The following ZFR2 variants were observed in gnomAD, a reference collection of about 807,000 sequenced individuals.
ZFR2 encodes zinc finger RNA-binding protein 2.
Under a neutral mutation model 105.7 loss-of-function variants are expected in ZFR2, and 104 were observed. The observed-to-expected ratio is 0.98, with a 90% CI of 0.84 to 1.16. The LOEUF is 1.16. Among genes scored for constraint, ZFR2 ranks in the 50% most tolerant of loss-of-function variants. ZFR2 has a pLI of 0.00. For missense variants in ZFR2, 1,425 were observed against 1,355.5 expected, an observed-to-expected ratio of 1.05 and a Z score of -0.80; for synonymous variants, 634 against 597.7, an observed-to-expected ratio of 1.06 and a Z score of -0.89.
rs966482512 is a variant in ZFR2, at chr19:3,826,496, C to T, written c.1035+975G>A. On this transcript the variant is annotated intron_variant, in intron 6 of 18. Transcript: ENST00000262961. Reference sequence around the variant, plus strand: ...TGTCGCCCAGGCTGGAGTGCGGTGGCGAGATCTCAGCTCACTGCAACCTCC... The same window carrying T: ...TGTCGCCCAGGCTGGAGTGCGGTGGTGAGATCTCAGCTCACTGCAACCTCC... 5.3e-5 allele frequency among the ~76,000 whole-genome samples: 8 copies of T among 151,678 alleles called. No homozygotes were observed. In the South Asian group the frequency reaches 1.0e-3, roughly 20 times the overall value.
intron 1 of ZFR2, among the ~76,000 whole-genome samples, chr19:3,845,300 C>A (rs1409929033): frequency 1.3e-5 from 2 of 151,604 alleles, no homozygotes; most frequent in Non-Finnish European, 2.9e-5. Context: ...CAGACCCTGT[C>A]TCTACAAAAT....
chr19:3,810,909 GCT>G (rs2037756699), intron 15 of ZFR2, 64 bp from the exon 16 acceptor site: 1 of 1,518,220 alleles, frequency 6.6e-7, no homozygotes, highest in Non-Finnish European at 8.9e-7. Context: ...ATGGCGCCGG[GCT>G]CTGTCGTGAG....
intron 1 of ZFR2, among the ~76,000 whole-genome samples, chr19:3,866,004 G>A (rs2038423263): frequency 6.6e-6 from 1 of 152,030 alleles, no homozygotes; most frequent in Non-Finnish European, 1.5e-5. Flanking sequence ...ACCACGCCCG[G>A]CTAATTTTTG....
At chr19:3,828,957 G>A (rs2037981352) in intron 5 of ZFR2, among the ~76,000 whole-genome samples, 1 of 134,852 alleles carries the variant, frequency 7.4e-6, no homozygotes, top group Non-Finnish European at 1.6e-5. Context: ...CTGGAACTTA[G>A]GAATCTTTTT....
intron 5 of ZFR2, among the ~76,000 whole-genome samples, chr19:3,828,027 G>A (rs533045380): frequency 3.4e-4 from 52 of 151,936 alleles, no homozygotes; most frequent in Non-Finnish European, 6.3e-4. Flanking sequence ...CACTCTGTTG[G>A]CCAAGCTGGT....
At chr19:3,845,960 A>T (rs182753160) in intron 1 of ZFR2, among the ~76,000 whole-genome samples, 2 of 152,316 alleles carry the variant, frequency 1.3e-5, no homozygotes, top group Admixed American at 6.5e-5. Context: ...TAATACACTG[A>T]AATGATATGG....
At chr19:3,816,226 G>A (rs1460950797) in intron 13 of ZFR2, among the ~76,000 whole-genome samples, 1 of 147,222 alleles carries the variant, frequency 6.8e-6, no homozygotes, top group Non-Finnish European at 1.5e-5. Flanking sequence ...TTCTAACAGC[G>A]ATGCTTCTTC....
In ZFR2 at chr19:3,825,253, A is replaced by G. The variant is rs2037935834; in HGVS notation, c.1190T>C (p.Val397Ala). The change falls in exon 7 of 19, where the codon GTG (valine) becomes GCG (alanine). Residue 397 changes from valine (V) to alanine (A), a missense_variant. By Grantham distance (64) the Val-to-Ala change is moderately conservative. Transcript: ENST00000262961. ...SSRPALAKRP[V>A]ASKALCEGPP... ...ACCCTCGCATAAGGCCTTCGAGGCC[A>G]CGGGTCTCTTGGCCAGCGCTGGCCT... The G allele has an allele frequency of 6.4e-7, 1 of 1,552,356 alleles. No individual in the cohort carries two copies. The highest frequency in any genetic ancestry group is 8.6e-7 in the Non-Finnish European group (1 of 1,157,264).
intron 1 of ZFR2, among the ~76,000 whole-genome samples, chr19:3,865,894 A>G (rs989568388): frequency 6.6e-6 from 1 of 152,090 alleles, no homozygotes; most frequent in South Asian, 2.1e-4. Context: ...GCTGGAGTGC[A>G]GTAACGTGAT....
chr19:3,808,256 CGT>C (rs1210676056), intron 17 of ZFR2, among the ~76,000 whole-genome samples: 5 of 152,056 alleles, frequency 3.3e-5, no homozygotes, highest in Non-Finnish European at 7.4e-5. Context: ...CAAGTATGTG[CGT>C]GTGTGCGTGT....
Position 3,823,407 on chromosome 19 carries a change from A to G in ZFR2, c.1214-4T>C, listed in dbSNP as rs2037916851. On this transcript the variant is annotated splice_region_variant and splice_polypyrimidine_tract_variant and intron_variant, in intron 7 of 18. Transcript: ENST00000262961. This position sits in a 1 kb window ranked among gnomAD's most constrained non-coding sequence, Gnocchi z 5.4. ...GCTGCCTGTGGCTCAGGAGGCCCTGAGGGGAAAAACCATGTCACTTATACC... is the reference window on the plus strand; with the variant it reads ...GCTGCCTGTGGCTCAGGAGGCCCTGGGGGGAAAAACCATGTCACTTATACC... 6.2e-7 allele frequency: 1 copy of G among 1,601,082 alleles called. No individual in the cohort carries two copies. Among genetic ancestry groups the G allele is most frequent in the Non-Finnish European group, 8.5e-7 (1 of 1,174,084 alleles).
At chr19:3,819,596 G>A (rs1057281687) in intron 11 of ZFR2, among the ~76,000 whole-genome samples, 1 of 152,178 alleles carries the variant, frequency 6.6e-6, no homozygotes, top group Non-Finnish European at 1.5e-5. Context: ...GCTCACGCCT[G>A]TAATCCCAGC....
rs768797980 is a variant in ZFR2, at chr19:3,813,445, G to A, written c.2242+375C>T. On this transcript the variant is annotated intron_variant, in intron 14 of 18. Coordinates refer to ENST00000262961, the MANE Select transcript of ZFR2 (RefSeq NM_015174.2). This position sits in a 1 kb window ranked among gnomAD's most constrained non-coding sequence, Gnocchi z 4.4. ...TGACTGATGGACAGAGTCAAACTGA[G>A]CTTCTGCCGTGACCCAGGGGAAATG... Among the ~76,000 whole-genome samples the A allele has an allele frequency of 6.6e-6, 1 of 152,300 alleles. No individual in the cohort carries two copies. The highest frequency in any genetic ancestry group is 2.4e-5 in the African/African-American group (1 of 41,568).
Position 3,823,296 on chromosome 19 carries a change from G to T in ZFR2, c.1321C>A (p.Pro441Thr), listed in dbSNP as rs1009774366. The stretch of plus-strand genomic sequence containing the variant: ...GGCTGCGCATCAGAGCAGCCCGCGG[G>T]AGCTTCCTTTGAGCCTCCTTGGGTA... The part of the protein sequence containing the change: ...APTQGGSKEA[P>T]AGCSDAQPVG... The change falls in exon 8 of 19, where the codon CCC (proline) becomes ACC (threonine). Residue 441 changes from proline (P) to threonine (T), a missense_variant. Physicochemically the swap from Pro to Thr is conservative, Grantham distance 38. Transcript: ENST00000262961. This position sits in a 1 kb window ranked among gnomAD's most constrained non-coding sequence, Gnocchi z 5.4. The T allele has an allele frequency of 6.2e-7, 1 of 1,614,030 alleles. No individual in the cohort carries two copies. The highest frequency in any genetic ancestry group is 2.2e-5 in the East Asian group (1 of 44,878).
chr19:3,832,758 C>T (rs2038032807), intron 3 of ZFR2, among the ~76,000 whole-genome samples: 2 of 152,012 alleles, frequency 1.3e-5, no homozygotes, highest in African/African-American at 4.8e-5. Flanking sequence ...ACCTCAGCCT[C>T]CTGGGTAGCT....
At chr19:3,864,060 G>C (rs1396687503) in intron 1 of ZFR2, among the ~76,000 whole-genome samples, 2 of 152,122 alleles carry the variant, frequency 1.3e-5, no homozygotes, top group Admixed American at 1.3e-4. Context: ...AAACTCTCCA[G>C]GGGAAGGAGC....
intron 1 of ZFR2, among the ~76,000 whole-genome samples, chr19:3,842,072 G>T (rs1316390738): frequency 6.6e-6 from 1 of 151,652 alleles, no homozygotes; most frequent in Non-Finnish European, 1.5e-5. Flanking sequence ...TAGTGCAGTG[G>T]CATGATCATA....
At chr19:3,824,774 G>A (rs1456371347) in intron 7 of ZFR2, among the ~76,000 whole-genome samples, 2 of 151,880 alleles carry the variant, frequency 1.3e-5, no homozygotes, top group East Asian at 1.9e-4. Flanking sequence ...CTGTCTCTAC[G>A]AAAAATACAA....
intron 5 of ZFR2, among the ~76,000 whole-genome samples, chr19:3,830,266 C>T (rs1366373164): frequency 6.6e-6 from 1 of 151,928 alleles, no homozygotes; most frequent in Admixed American, 6.6e-5. Context: ...ATAGTGAGAC[C>T]CCATCTCTAT....
Sources: allele counts gnomAD v4.1 joint callset (sites outside exome capture counted in the v4.1 genomes callset), GRCh38; gene constraint gnomAD v4.1.1; non-coding constraint Gnocchi (gnomAD v3.1); transcripts MANE v1.5; gene names NCBI Gene and HGNC (gene_info 2026-07-23, HGNC 2026-07-21).